Variants in LHX8 observed in about 807,000 individuals in gnomAD.
The protein encoded by LHX8 is LIM homeobox 8.
In LHX8, 12 loss-of-function variants were observed where a neutral mutation model predicts 40.3. The ratio of observed to expected loss-of-function variants is 0.30; its 90% CI spans 0.19 to 0.48. The LOEUF (loss-of-function observed/expected upper bound fraction) is 0.48. Among genes scored for constraint, LHX8 ranks in the 20% least tolerant of loss-of-function variants. The pLI is 0.99. For missense variants in LHX8, 344 were observed against 433.7 expected, an observed-to-expected ratio of 0.79 and a Z score of 1.84; for synonymous variants, 179 against 162.0, an observed-to-expected ratio of 1.10 and a Z score of -0.80.
chr1:75,145,096 G>A (rs1274082255), intron 6 of LHX8, among the ~76,000 whole-genome samples: 3 of 152,018 alleles, frequency 2.0e-5, no homozygotes, highest in Non-Finnish European at 4.4e-5. Context: ...GCATAAATTC[G>A]ATTTCTTAAT....
At chr1:75,192,877 G>A in the LHX8 span, among the ~76,000 whole-genome samples, 376 of 152,128 alleles carry the variant, frequency 2.5e-3, 4 homozygotes, top group African/African-American at 8.7e-3. Context: ...ATTTTTAGTA[G>A]AGACGGGGGT....
At chr1:75,199,386 G>A in the LHX8 span, among the ~76,000 whole-genome samples, 1 of 152,138 alleles carries the variant, frequency 6.6e-6, no homozygotes, top group African/African-American at 2.4e-5. Context: ...TTCTAACAAT[G>A]GATCAAGTTC....
the LHX8 span, among the ~76,000 whole-genome samples, chr1:75,185,504 T>C: frequency 6.7e-6 from 1 of 149,698 alleles, no homozygotes. Context: ...GCAAAACACA[T>C]ATGATTACCT....
chr1:75,198,143 C>G, the LHX8 span, among the ~76,000 whole-genome samples: 1 of 152,050 alleles, frequency 6.6e-6, no homozygotes, highest in African/African-American at 2.4e-5. Context: ...ATCAGTGACC[C>G]AAGAATTCAA....
At chr1:75,169,343 G>A in the LHX8 span, among the ~76,000 whole-genome samples, 215 of 152,290 alleles carry the variant, frequency 1.4e-3, no homozygotes, top group African/African-American at 4.9e-3. Flanking sequence ...TTTCTCTTCT[G>A]TAAATGAGCA....
At chr1:75,167,128 A>G in the LHX8 span, among the ~76,000 whole-genome samples, 1 of 152,210 alleles carries the variant, frequency 6.6e-6, no homozygotes, top group Non-Finnish European at 1.5e-5. Flanking sequence ...ATGGCATGGC[A>G]GTAGGGCTGA....
At chr1:75,190,205 T>C in the LHX8 span, among the ~76,000 whole-genome samples, 1 of 152,194 alleles carries the variant, frequency 6.6e-6, no homozygotes, top group African/African-American at 2.4e-5. Context: ...AAGGAAACGA[T>C]AGAGTGTAGA....
At chr1:75,158,592 T>C (rs1302890118) in intron 8 of LHX8, among the ~76,000 whole-genome samples, 1 of 152,198 alleles carries the variant, frequency 6.6e-6, no homozygotes, top group Non-Finnish European at 1.5e-5. Context: ...AGTGAAGCTT[T>C]TTTGTTATGT....
downstream of LHX8, among the ~76,000 whole-genome samples, chr1:75,163,760 A>C (rs905852509): frequency 1.8e-4 from 27 of 152,196 alleles, no homozygotes; most frequent in Non-Finnish European, 5.9e-5. Flanking sequence ...TGTCCCCTCA[A>C]ATTTCTTGTA....
the LHX8 span, among the ~76,000 whole-genome samples, chr1:75,177,809 G>T: frequency 2.6e-5 from 4 of 152,138 alleles, no homozygotes; most frequent in South Asian, 2.1e-4. Flanking sequence ...CTGGCTGAGG[G>T]TTTGTCATAA....
the LHX8 span, among the ~76,000 whole-genome samples, chr1:75,178,225 AT>A: frequency 6.6e-6 from 1 of 151,988 alleles, no homozygotes; most frequent in Non-Finnish European, 1.5e-5. Flanking sequence ...TTTTTCTATG[AT>A]TGGAATAGTT....
Position 75,161,088 on chromosome 1 carries a change from CT to C in LHX8, c.*195del, listed in dbSNP as rs1648906443. On this transcript the variant is annotated 3_prime_UTR_variant, in exon 9 of 9. Coordinates refer to ENST00000356261, the MANE Select transcript of LHX8 (RefSeq NM_001256114.2). ...TATTAATTCTTCATTTTTTGTAAAA[CT>C]TATGTTTACAAGAAGAAAACAAATC... 1.7e-6 allele frequency: 1 copy of C among 572,396 alleles called. No homozygotes were observed. The highest frequency in any genetic ancestry group is 3.1e-6 in the Non-Finnish European group (1 of 321,966). 35.5% of individuals were successfully genotyped at this position (572,396 alleles called of 1,614,324 possible).
chr1:75,136,546 G>A (rs1012605472), intron 1 of LHX8, 57 bp from the exon 2 acceptor site: 4 of 1,290,666 alleles, frequency 3.1e-6, no homozygotes, highest in African/African-American at 2.9e-5. Flanking sequence ...GGGGCGGGCA[G>A]CACGCTCGGA....
chr1:75,156,231 G>GTT (rs200898171), intron 7 of LHX8, among the ~76,000 whole-genome samples: 2,078 of 62,356 alleles, frequency 0.033, 40 homozygotes, highest in East Asian at 0.15. Flanking sequence ...TGTTGTTGTT[G>GTT]TTGTTTTGTT....
At chr1:75,185,312 C>T in the LHX8 span, among the ~76,000 whole-genome samples, 2 of 151,980 alleles carry the variant, frequency 1.3e-5, no homozygotes, top group Non-Finnish European at 2.9e-5. Flanking sequence ...AAGAAGACTT[C>T]AGGTCAATAT....
At chr1:75,195,292 G>A in the LHX8 span, among the ~76,000 whole-genome samples, 4 of 152,098 alleles carry the variant, frequency 2.6e-5, no homozygotes, top group Admixed American at 2.6e-4. Context: ...CCCGAGAGTA[G>A]GTAGCAAGTG....
rs2100340971 is a variant in LHX8 at position 75,143,304 on chromosome 1, C to T, written c.546C>T (p.Cys182=). The change falls in exon 5 of 9, where the codon TGC becomes TGT. Residue 182 remains cysteine (C), a synonymous_variant. Transcript: ENST00000356261. The part of the protein sequence containing the change: ...EKVLCRVHYD[C]MLDNLKREVE... ...TCCTCTGCAGAGTACATTATGACTG[C>T]ATGCTGGATAATTTAAAAAGAGAAG... The T allele has an allele frequency of 1.2e-6, 2 of 1,611,822 alleles. No homozygotes were observed. Among genetic ancestry groups the T allele is most frequent in the East Asian group, 4.5e-5 (2 of 44,816 alleles).
intron 3 of LHX8, 119 bp downstream of exon 3, chr1:75,137,380 G>T: frequency 2.9e-6 from 3 of 1,018,856 alleles, no homozygotes; most frequent in Admixed American, 2.1e-5. Flanking sequence ...AAGGTTGTAG[G>T]CTTTTGCAGA....
intron 7 of LHX8, among the ~76,000 whole-genome samples, chr1:75,155,830 T>TA (rs1428541573): frequency 6.6e-6 from 1 of 152,182 alleles, no homozygotes; most frequent in African/African-American, 2.4e-5. Context: ...TCTTAGGGAA[T>TA]AGCCTATGTA....
Sources: gnomAD v4.1 joint callset for allele counts (sites outside exome capture counted in the v4.1 genomes callset) on GRCh38, gnomAD v4.1.1 for gene constraint, MANE v1.5 for transcripts, NCBI Gene and HGNC (gene_info 2026-07-23, HGNC 2026-07-21) for gene names.